The following LRBA variants were observed in gnomAD, a reference collection of about 807,000 sequenced individuals.
LRBA encodes lipopolysaccharide-responsive and beige-like anchor protein.
A neutral mutation model predicts 330.0 loss-of-function variants in LRBA; 176 were observed. That is an observed-to-expected ratio of 0.53 (90% CI 0.47 to 0.60). The LOEUF is 0.60. LRBA is among the 20% of genes least tolerant of loss of function. LRBA has a pLI of 0.00. For missense variants in LRBA, 3,259 were observed against 3,444.8 expected (o/e 0.95, Z 1.35); for synonymous variants, 1,230 against 1,193.0 (o/e 1.03, Z -0.64).
chr4:150,461,774 G>T (rs1754809009), intron 44 of LRBA, among the ~76,000 whole-genome samples: 3 of 151,608 alleles, frequency 2.0e-5, no homozygotes, highest in Admixed American at 2.0e-4. Context: ...GAACATGCTG[G>T]TTTTTTTAAA....
intron 47 of LRBA, among the ~76,000 whole-genome samples, chr4:150,415,211 T>C (rs1747562673): frequency 6.6e-6 from 1 of 152,232 alleles, no homozygotes; most frequent in Non-Finnish European, 1.5e-5. Flanking sequence ...CATGTATATA[T>C]GAATGTAACT....
intron 40 of LRBA, chr4:150,584,226 G>A: frequency 1.7e-6 from 2 of 1,177,230 alleles, no homozygotes; most frequent in Non-Finnish European, 2.3e-6. Flanking sequence ...CCTGAAATAG[G>A]AATCCGGCAG....
At position 150,478,568 on chromosome 4, in the gene LRBA, A is replaced by G. The variant is rs576540674; in HGVS notation, c.6552-6829T>C. The stretch of plus-strand genomic sequence containing the variant: ...TTCAGCTACATTATCAACATCACAT[A>G]TCATCCAGATGTCTTCAATAGGCTC... On this transcript the variant is annotated intron_variant, in intron 42 of 56. Coordinates refer to ENST00000651943, the MANE Select transcript of LRBA (RefSeq NM_001364905.1). 3.3e-5 allele frequency among the ~76,000 whole-genome samples: 5 copies of G among 152,314 alleles called. No homozygotes were observed. In the South Asian group the frequency reaches 8.3e-4, roughly 25 times the overall value.
At chr4:150,806,020 C>A (rs1243623178) in intron 33 of LRBA, among the ~76,000 whole-genome samples, 14 of 147,376 alleles carry the variant, frequency 9.5e-5, no homozygotes, top group Non-Finnish European at 6.0e-5. Flanking sequence ...TTTAATGTAT[C>A]AAAAAAAAAA....
chr4:150,810,769 T>C (rs1487880377), intron 31 of LRBA, among the ~76,000 whole-genome samples: 1 of 152,060 alleles, frequency 6.6e-6, no homozygotes, highest in Non-Finnish European at 1.5e-5. Flanking sequence ...ACCTGGCTAT[T>C]TTCTATTTTT....
At chr4:150,288,952 C>T (rs754437875) in intron 53 of LRBA, among the ~76,000 whole-genome samples, 11 of 152,070 alleles carry the variant, frequency 7.2e-5, no homozygotes, top group Non-Finnish European at 1.5e-4. Context: ...AAACAAAGGA[C>T]AGATAGATAA....
At chr4:150,839,594 G>A (rs1366883977) in intron 28 of LRBA, among the ~76,000 whole-genome samples, 1 of 152,186 alleles carries the variant, frequency 6.6e-6, no homozygotes, top group East Asian at 1.9e-4. Flanking sequence ...GTAGGGACAT[G>A]GATGAAGCTG....
At chr4:150,890,439 G>A (rs1013900498) in intron 17 of LRBA, among the ~76,000 whole-genome samples, 11 of 152,004 alleles carry the variant, frequency 7.2e-5, no homozygotes, top group Admixed American at 3.9e-4. Context: ...GGCTAAGAAG[G>A]AAGTAAACAA....
intron 46 of LRBA, among the ~76,000 whole-genome samples, chr4:150,426,123 A>G (rs1749567634): frequency 6.6e-6 from 1 of 152,094 alleles, no homozygotes; most frequent in African/African-American, 2.4e-5. Flanking sequence ...AGAACATTGA[A>G]TTGCATTTAT....
At chr4:150,312,062 C>A (rs1404494367) in intron 51 of LRBA, among the ~76,000 whole-genome samples, 1 of 152,080 alleles carries the variant, frequency 6.6e-6, no homozygotes, top group Non-Finnish European at 1.5e-5. Flanking sequence ...TATAAACTTT[C>A]GCTGAACTTT....
At chr4:150,267,539 A>T (rs1431497274) in intron 56 of LRBA, among the ~76,000 whole-genome samples, 1 of 152,242 alleles carries the variant, frequency 6.6e-6, no homozygotes, top group African/African-American at 2.4e-5. Context: ...TAAAATGGAA[A>T]TTTTTAGCTG....
intron 2 of LRBA, among the ~76,000 whole-genome samples, chr4:150,969,327 T>C (rs913993303): frequency 3.9e-5 from 6 of 152,222 alleles, no homozygotes; most frequent in African/African-American, 1.4e-4. Context: ...ACAGAAAACC[T>C]TCTGAAAATG....
chr4:150,826,132 T>C lies in LRBA; in HGVS notation c.5171+2048A>G, dbSNP rs1746241795. On this transcript the variant is annotated intron_variant, in intron 30 of 56. Coordinates refer to ENST00000651943, the MANE Select transcript of LRBA (RefSeq NM_001364905.1). Reference sequence around the variant, plus strand: ...TTTGAGAAAAACTGAAGTCATTATATGTCAAATTTAAGTAAAAAAGAATCT... The same window carrying C: ...TTTGAGAAAAACTGAAGTCATTATACGTCAAATTTAAGTAAAAAAGAATCT... 2.0e-5 allele frequency among the ~76,000 whole-genome samples: 3 copies of C among 152,276 alleles called. 1 individual carries two copies.
chr4:150,992,722 C>A (rs1296175545), intron 2 of LRBA, among the ~76,000 whole-genome samples: 1 of 152,140 alleles, frequency 6.6e-6, no homozygotes, highest in African/African-American at 2.4e-5. Flanking sequence ...CTGCAAAGAA[C>A]AAGTGATCAT....
At chr4:150,778,842 T>C (rs1737781817) in intron 34 of LRBA, among the ~76,000 whole-genome samples, 2 of 152,150 alleles carry the variant, frequency 1.3e-5, no homozygotes, top group African/African-American at 2.4e-5. Flanking sequence ...TGAAGTCAAG[T>C]CTTTAGGGAA....
At chr4:150,738,898 AAAT>A (rs1332134841) in intron 35 of LRBA, among the ~76,000 whole-genome samples, 1 of 152,096 alleles carries the variant, frequency 6.6e-6, no homozygotes, top group Admixed American at 6.5e-5. Flanking sequence ...TAAAGGACAT[AAAT>A]AATAAGATGA....
At chr4:150,319,680 A>G (rs1281320063) in intron 50 of LRBA, among the ~76,000 whole-genome samples, 5 of 152,162 alleles carry the variant, frequency 3.3e-5, no homozygotes, top group Non-Finnish European at 7.4e-5. Flanking sequence ...TTGTAGTCAA[A>G]TATTGGCATT....
At chr4:150,551,376 A>G (rs1766570296) in intron 40 of LRBA, among the ~76,000 whole-genome samples, 1 of 152,204 alleles carries the variant, frequency 6.6e-6, no homozygotes, top group Admixed American at 6.5e-5. Context: ...ATTCAACGAC[A>G]GCTACATAAA....
At chr4:150,364,449 C>T (rs921800876) in intron 47 of LRBA, among the ~76,000 whole-genome samples, 1 of 152,112 alleles carries the variant, frequency 6.6e-6, no homozygotes, top group Non-Finnish European at 1.5e-5. Flanking sequence ...AGAGTTGTGA[C>T]CTGAACCCAG....
Sources: allele counts gnomAD v4.1 joint callset (sites outside exome capture counted in the v4.1 genomes callset), GRCh38; gene constraint gnomAD v4.1.1; transcripts MANE v1.5; gene names NCBI Gene and HGNC (gene_info 2026-07-23, HGNC 2026-07-21).